Variants in GSG1L observed in about 807,000 individuals in gnomAD.
GSG1L encodes germ cell-specific gene 1-like protein.
Under a neutral mutation model 42.1 loss-of-function variants are expected in GSG1L, and 24 were observed. The ratio of observed to expected loss-of-function variants is 0.57; its 90% CI spans 0.41 to 0.80. The LOEUF (loss-of-function observed/expected upper bound fraction) is 0.80, where lower values mean the gene tolerates loss of function less well. Among genes scored for constraint, GSG1L ranks in the 30% least tolerant of loss-of-function variants. GSG1L has a pLI of 0.00. For missense variants in GSG1L, 445 were observed against 472.2 expected (o/e 0.94, Z 0.53); for synonymous variants, 215 against 203.5 (o/e 1.06, Z -0.48).
intron 2 of GSG1L, among the ~76,000 whole-genome samples, chr16:27,903,213 C>T (rs919002700): frequency 2.6e-5 from 4 of 152,016 alleles, no homozygotes; most frequent in Non-Finnish European, 5.9e-5. Flanking sequence ...GCTAGGAGCC[C>T]GCAGAAGAGG....
chr16:27,938,261 G>A (rs904714666), intron 2 of GSG1L, among the ~76,000 whole-genome samples: 5 of 152,098 alleles, frequency 3.3e-5, no homozygotes, highest in Admixed American at 2.6e-4. Flanking sequence ...TGGGGCACCT[G>A]TAGTCCCAGC....
intron 5 of GSG1L, among the ~76,000 whole-genome samples, chr16:27,824,219 C>T (rs2083182063): frequency 6.6e-6 from 1 of 152,196 alleles, no homozygotes; most frequent in South Asian, 2.1e-4. Context: ...ATTTGAGCCT[C>T]CCTGAGACAC....
intron 2 of GSG1L, among the ~76,000 whole-genome samples, chr16:27,950,291 G>C (rs1038522380): frequency 6.6e-6 from 1 of 152,162 alleles, no homozygotes; most frequent in African/African-American, 2.4e-5. Flanking sequence ...GCTGGTCACC[G>C]TTTGGGGTTA....
chr16:27,975,741 ACTTCT>A (rs770853378), intron 1 of GSG1L, among the ~76,000 whole-genome samples: 11 of 152,002 alleles, frequency 7.2e-5, no homozygotes, highest in Admixed American at 1.3e-4. Context: ...CCAAAAGTAC[ACTTCT>A]CTTCTCTTAA....
At chr16:28,029,677 G>A (rs779643454) in intron 1 of GSG1L, among the ~76,000 whole-genome samples, 1 of 152,096 alleles carries the variant, frequency 6.6e-6, no homozygotes, top group Non-Finnish European at 1.5e-5. Context: ...ATGAATGGAT[G>A]AGTGGTCATG....
chr16:27,862,183 T>A (rs781358228), intron 3 of GSG1L, among the ~76,000 whole-genome samples: 2 of 152,226 alleles, frequency 1.3e-5, no homozygotes, highest in Non-Finnish European at 2.9e-5. Context: ...CTATGTTACA[T>A]AAGATTGTGA....
intron 1 of GSG1L, among the ~76,000 whole-genome samples, chr16:27,992,448 T>C (rs1435443702): frequency 1.3e-5 from 2 of 151,718 alleles, no homozygotes; most frequent in Non-Finnish European, 2.9e-5. Context: ...TGAGCTGAGA[T>C]TGTGTCACTG....
At chr16:28,004,445 G>A (rs1383346262) in intron 1 of GSG1L, among the ~76,000 whole-genome samples, 1 of 150,330 alleles carries the variant, frequency 6.7e-6, no homozygotes, top group Non-Finnish European at 1.5e-5. Flanking sequence ...GCCAGAAGCA[G>A]TGGGAGAGAG....
chr16:27,925,265 G>A (rs1310508896), intron 2 of GSG1L, among the ~76,000 whole-genome samples: 3 of 152,182 alleles, frequency 2.0e-5, no homozygotes, highest in Admixed American at 1.3e-4. Context: ...ATGTGTAAAT[G>A]TCAACATAGG....
intron 2 of GSG1L, among the ~76,000 whole-genome samples, chr16:27,946,647 G>A (rs2084872938): frequency 4.7e-5 from 1 of 21,342 alleles, no homozygotes. Flanking sequence ...AAGAAAGAAA[G>A]AAAGAAAGAA....
chr16:27,815,699 A>C (rs950993944), intron 5 of GSG1L, among the ~76,000 whole-genome samples: 1 of 152,146 alleles, frequency 6.6e-6, no homozygotes, highest in Non-Finnish European at 1.5e-5. Context: ...TGATTTTCTC[A>C]TCTGATGAAT....
intron 1 of GSG1L, among the ~76,000 whole-genome samples, chr16:28,048,763 T>A (rs1444845151): frequency 6.6e-6 from 1 of 152,206 alleles, no homozygotes; most frequent in African/African-American, 2.4e-5. Flanking sequence ...TAGCATTAAA[T>A]GCATTCATAA....
At chr16:27,820,288 C>G (rs970161294) in intron 5 of GSG1L, among the ~76,000 whole-genome samples, 14 of 152,152 alleles carry the variant, frequency 9.2e-5, no homozygotes, top group African/African-American at 3.4e-4. Context: ...AGGAGCTGCA[C>G]ATCATAGAAG....
In GSG1L at chr16:28,052,899, G is replaced by A. The variant is rs545207726; in HGVS notation, c.349+10177C>T. Among the ~76,000 whole-genome samples the A allele has an allele frequency of 7.2e-5, 11 of 152,328 alleles. No homozygotes were observed. In the East Asian group the frequency reaches 1.5e-3, roughly 21 times the overall value. Reference sequence around the variant, plus strand: ...TCCAAGTCTTCTGCCTCTCCGCCCCGCCCAACTGTGTTCTGGAGAGGGTTT... The same window carrying A: ...TCCAAGTCTTCTGCCTCTCCGCCCCACCCAACTGTGTTCTGGAGAGGGTTT... On this transcript the variant is annotated intron_variant, in intron 1 of 6. Coordinates refer to ENST00000447459, the MANE Select transcript of GSG1L (RefSeq NM_001109763.2).
At chr16:27,890,182 C>T (rs1186055498) in intron 2 of GSG1L, among the ~76,000 whole-genome samples, 2 of 152,158 alleles carry the variant, frequency 1.3e-5, no homozygotes, top group African/African-American at 2.4e-5. Context: ...TCTCTGGAGT[C>T]CCAAGCAATT....
At chr16:28,016,416 G>C (rs1329896679) in intron 1 of GSG1L, among the ~76,000 whole-genome samples, 6 of 152,106 alleles carry the variant, frequency 3.9e-5, no homozygotes, top group Non-Finnish European at 5.9e-5. Context: ...TGTGTGGCTG[G>C]GTACAAATGC....
At chr16:27,957,145 T>A (rs1392275188) in intron 2 of GSG1L, among the ~76,000 whole-genome samples, 1 of 151,968 alleles carries the variant, frequency 6.6e-6, no homozygotes. Flanking sequence ...GGTCAGGAGG[T>A]CGAGATCAGC....
rs996978382 is a variant in GSG1L at position 28,052,898 on chromosome 16, C to T, written c.349+10178G>A. Among the ~76,000 whole-genome samples the T allele has an allele frequency of 1.4e-4, 22 of 152,252 alleles. 1 individual carries two copies. Among genetic ancestry groups the T allele is most frequent in the African/African-American group, 4.6e-4 (19 of 41,472 alleles). On this transcript the variant is annotated intron_variant, in intron 1 of 6. Transcript: ENST00000447459. ...GTCCAAGTCTTCTGCCTCTCCGCCC[C>T]GCCCAACTGTGTTCTGGAGAGGGTT...
At position 27,854,233 on chromosome 16, in the gene GSG1L, A is replaced by T. The variant is rs577678702; in HGVS notation, c.551-9172T>A. On this transcript the variant is annotated intron_variant, in intron 3 of 6. Coordinates refer to ENST00000447459, the MANE Select transcript of GSG1L (RefSeq NM_001109763.2). ...AGGGGGAGGATGGGAAAGGCTGGGG[A>T]ATGGGGAGGGTGAATAGAAGGCAAA... is the stretch of plus-strand genomic sequence containing the variant. Among the ~76,000 whole-genome samples the T allele has an allele frequency of 2.6e-4, 35 of 136,808 alleles. No individual in the cohort carries two copies. In the South Asian group the frequency reaches 9.1e-3, roughly 35 times the overall value. The allele number at this position is 136,808 out of a possible 152,430, so 89.8% of individuals were successfully genotyped here.
Sources: allele counts gnomAD v4.1 joint callset (sites outside exome capture counted in the v4.1 genomes callset), GRCh38; gene constraint gnomAD v4.1.1; transcripts MANE v1.5; gene names NCBI Gene and HGNC (gene_info 2026-07-23, HGNC 2026-07-21).